DCC: variants seen among roughly 807,000 people sequenced by gnomAD.
DCC encodes the protein netrin receptor DCC.
In DCC, 58 loss-of-function variants were observed where a neutral mutation model predicts 172.5. That is an observed-to-expected ratio of 0.34 (90% CI 0.27 to 0.42). The LOEUF is 0.42. DCC is among the 10% of genes least tolerant of loss of function. The pLI is 1.00. For synonymous variants in DCC, 709 were observed against 644.5 expected (o/e 1.10, Z -1.52); for missense variants, 1,740 against 1,791.0 (o/e 0.97, Z 0.51).
intron 1 of DCC, among the ~76,000 whole-genome samples, chr18:52,356,885 C>T (rs1426726086): frequency 6.6e-6 from 1 of 152,036 alleles, no homozygotes; most frequent in Non-Finnish European, 1.5e-5. Context: ...TGGGTTCAAG[C>T]AATTCTCCTG....
Position 53,063,347 on chromosome 18 carries a change from A to G in DCC, c.1028A>G (p.Tyr343Cys), listed in dbSNP as rs1208344598. The G allele has an allele frequency of 3.7e-6, 6 of 1,613,260 alleles. No homozygotes were observed. The highest frequency in any genetic ancestry group is 5.1e-6 in the Non-Finnish European group (6 of 1,179,594). The change falls in exon 6 of 29, where the codon TAT (tyrosine) becomes TGT (cysteine). Residue 343 changes from tyrosine (Y) to cysteine (C), a missense_variant. Physicochemically the swap from Tyr to Cys is radical, Grantham distance 194 (BLOSUM62 -2). Coordinates refer to ENST00000442544, the MANE Select transcript of DCC (RefSeq NM_005215.4). Reference sequence around the variant, plus strand: ...AATCATCCTTCCAACCTGTATGCCTATGAAAGCATGGATATTGAGTTTGAA... The same window carrying G: ...AATCATCCTTCCAACCTGTATGCCTGTGAAAGCATGGATATTGAGTTTGAA... ...FLNHPSNLYA[Y>C]ESMDIEFECT...
chr18:52,683,808 A>T (rs9960959), intron 1 of DCC, among the ~76,000 whole-genome samples: 2 of 152,020 alleles, frequency 1.3e-5, no homozygotes, highest in Non-Finnish European at 2.9e-5. Context: ...AAAGAAAAAA[A>T]GTCTTATGTC....
intron 12 of DCC, among the ~76,000 whole-genome samples, chr18:53,216,408 G>T (rs760463965): frequency 7.9e-5 from 12 of 152,086 alleles, no homozygotes; most frequent in Admixed American, 3.3e-4. Flanking sequence ...AAATGATACA[G>T]GTCTTAGAAA....
At chr18:52,491,947 A>G (rs2030523668) in intron 1 of DCC, among the ~76,000 whole-genome samples, 1 of 151,740 alleles carries the variant, frequency 6.6e-6, no homozygotes, top group South Asian at 2.1e-4. Context: ...CATAAATTGG[A>G]TAATAGGATA....
intron 18 of DCC, among the ~76,000 whole-genome samples, chr18:53,398,664 C>A (rs1444216493): frequency 6.6e-6 from 1 of 152,050 alleles, no homozygotes; most frequent in Non-Finnish European, 1.5e-5. Flanking sequence ...CAAATTCATT[C>A]ATTTTTTTCC....
intron 14 of DCC, among the ~76,000 whole-genome samples, chr18:53,330,372 A>G (rs372724741): frequency 6.6e-6 from 1 of 152,108 alleles, no homozygotes; most frequent in Admixed American, 6.5e-5. Context: ...ATATCCATTC[A>G]ATCACCAAGA....
At chr18:52,478,798 G>T (rs1989169866) in intron 1 of DCC, among the ~76,000 whole-genome samples, 1 of 152,070 alleles carries the variant, frequency 6.6e-6, no homozygotes, top group Admixed American at 6.6e-5. Flanking sequence ...AAAGAGATGG[G>T]GTTAAAGCAC....
chr18:52,752,504 G>A (rs1476713332), intron 2 of DCC, 130 bp downstream of exon 2: 1 of 744,636 alleles, frequency 1.3e-6, no homozygotes, highest in African/African-American at 1.8e-5. Context: ...AAGTTGACAA[G>A]TAATTATATA....
At chr18:53,358,303 T>C (rs1195848823) in intron 15 of DCC, among the ~76,000 whole-genome samples, 1 of 152,118 alleles carries the variant, frequency 6.6e-6, no homozygotes, top group Admixed American at 6.6e-5. Context: ...CTTGATCATT[T>C]AGTTGACATT....
At chr18:53,144,176 G>C (rs1290663395) in intron 7 of DCC, among the ~76,000 whole-genome samples, 1 of 152,128 alleles carries the variant, frequency 6.6e-6, no homozygotes, top group East Asian at 1.9e-4. Context: ...AAATGTCTCA[G>C]ATTGTCATTC....
intron 1 of DCC, among the ~76,000 whole-genome samples, chr18:52,408,032 A>T (rs1427328798): frequency 6.6e-6 from 1 of 152,112 alleles, no homozygotes; most frequent in Non-Finnish European, 1.5e-5. Flanking sequence ...CTTTGTATCT[A>T]CTTATAAATC....
At chr18:53,445,010 C>T (rs915078203) in intron 22 of DCC, among the ~76,000 whole-genome samples, 5 of 152,176 alleles carry the variant, frequency 3.3e-5, no homozygotes, top group Non-Finnish European at 7.3e-5. Context: ...CCCCACTCCT[C>T]CTGGCAATTA....
At chr18:53,351,442 T>TATATATATACA (rs1371062917) in intron 15 of DCC, among the ~76,000 whole-genome samples, 3 of 43,092 alleles carry the variant, frequency 7.0e-5, no homozygotes, top group African/African-American at 2.9e-4. Context: ...ATATATACAG[T>TATATATATACA]GTATATATAT....
intron 25 of DCC, among the ~76,000 whole-genome samples, chr18:53,469,470 C>A (rs1471191325): frequency 2.6e-5 from 4 of 152,192 alleles, no homozygotes; most frequent in Non-Finnish European, 5.9e-5. Flanking sequence ...TATCTCCCAT[C>A]TTTCCCTATT....
chr18:52,765,469 A>C (rs1327153625), intron 2 of DCC, among the ~76,000 whole-genome samples: 1 of 152,054 alleles, frequency 6.6e-6, no homozygotes, highest in African/African-American at 2.4e-5. Context: ...CTCATACATC[A>C]TGCTAGCTCT....
chr18:52,887,304 T>C (rs2039583792), intron 2 of DCC, among the ~76,000 whole-genome samples: 1 of 151,622 alleles, frequency 6.6e-6, no homozygotes, highest in African/African-American at 2.4e-5. Flanking sequence ...CAATCATCAA[T>C]GGTTTTTTTT....
chr18:52,373,924 G>A (rs140045694), intron 1 of DCC, among the ~76,000 whole-genome samples: 8 of 133,564 alleles, frequency 6.0e-5, no homozygotes, highest in East Asian at 4.2e-4. Context: ...ACGGAGTCTC[G>A]CTCTGTCATC....
intron 2 of DCC, among the ~76,000 whole-genome samples, chr18:52,854,983 G>C (rs11659401): frequency 0.3 from 45,061 of 152,106 alleles, 8,221 homozygotes; most frequent in Non-Finnish European, 0.42. Context: ...CAGACCTGCA[G>C]TCTAAGCAGC....
At chr18:52,419,518 C>T (rs575514306) in intron 1 of DCC, 1 of 152,216 alleles carries the variant, frequency 6.6e-6, no homozygotes, top group East Asian at 1.9e-4. Context: ...AGAATCAAAT[C>T]TGTGGATCTT....
Sources: allele counts gnomAD v4.1 joint callset (sites outside exome capture counted in the v4.1 genomes callset), GRCh38; gene constraint gnomAD v4.1.1; transcripts MANE v1.5; gene names NCBI Gene and HGNC (gene_info 2026-07-23, HGNC 2026-07-21).